Variants in STRN3 observed in about 807,000 individuals in gnomAD.
STRN3 encodes the protein striatin-3.
Under a neutral mutation model 95.6 loss-of-function variants are expected in STRN3, and 29 were observed. The ratio of observed to expected loss-of-function variants is 0.30; its 90% CI spans 0.23 to 0.41. STRN3 has a LOEUF of 0.41. STRN3 is among the 10% of genes least tolerant of loss of function. STRN3 has a pLI of 1.00. For missense variants in STRN3, 890 were observed against 972.1 expected, an observed-to-expected ratio of 0.92 and a Z score of 1.12; for synonymous variants, 331 against 357.6, an observed-to-expected ratio of 0.93 and a Z score of 0.84.
intron 7 of STRN3, among the ~76,000 whole-genome samples, chr14:30,933,821 T>C (rs1878677995): frequency 1.3e-5 from 2 of 152,230 alleles, no homozygotes; most frequent in South Asian, 4.1e-4. Flanking sequence ...TTCAAATCTT[T>C]TAAGTACTTG....
chr14:31,001,141 T>G (rs921859765), intron 1 of STRN3, among the ~76,000 whole-genome samples: 1 of 152,204 alleles, frequency 6.6e-6, no homozygotes, highest in Non-Finnish European at 1.5e-5. Context: ...GTTTGGCCAC[T>G]GCAGCCTTAA....
At chr14:30,954,934 C>T (rs1451014376) in intron 3 of STRN3, among the ~76,000 whole-genome samples, 1 of 151,520 alleles carries the variant, frequency 6.6e-6, no homozygotes, top group Admixed American at 6.6e-5. Flanking sequence ...AAAAAAAGCT[C>T]TGAATTCACC....
intron 1 of STRN3, among the ~76,000 whole-genome samples, chr14:31,003,133 G>A (rs1323965287): frequency 6.6e-6 from 1 of 151,460 alleles, no homozygotes; most frequent in Non-Finnish European, 1.5e-5. Context: ...GTGGTGGTGG[G>A]TGCCTGTAAT....
chr14:30,960,590 C>A (rs1428941096), intron 1 of STRN3, among the ~76,000 whole-genome samples: 1 of 152,096 alleles, frequency 6.6e-6, no homozygotes, highest in Admixed American at 6.5e-5. Flanking sequence ...GAAAATGAGG[C>A]TGGGCGCGGT....
chr14:30,965,440 A>G (rs1209945810), intron 1 of STRN3, among the ~76,000 whole-genome samples: 1 of 152,044 alleles, frequency 6.6e-6, no homozygotes, highest in Non-Finnish European at 1.5e-5. Context: ...TAATCCCAGC[A>G]CTTTAGGAGA....
intron 5 of STRN3, among the ~76,000 whole-genome samples, chr14:30,937,769 T>C (rs1878894361): frequency 1.3e-5 from 2 of 152,194 alleles, no homozygotes; most frequent in Non-Finnish European, 2.9e-5. Context: ...CAAATGTTTT[T>C]AAATGTCTTT....
chr14:31,022,702 AACATGACT>A (rs1883559895), intron 1 of STRN3, among the ~76,000 whole-genome samples: 1 of 151,980 alleles, frequency 6.6e-6, no homozygotes, highest in South Asian at 2.1e-4. Context: ...CAAGAGTGGT[AACATGACT>A]ACAGGCTTTG....
At chr14:30,988,498 C>A (rs1222165656) in intron 1 of STRN3, among the ~76,000 whole-genome samples, 1 of 152,042 alleles carries the variant, frequency 6.6e-6, no homozygotes, top group Non-Finnish European at 1.5e-5. Flanking sequence ...AGCCCAACTA[C>A]AACAAAATTA....
In STRN3 at chr14:30,929,954, C is replaced by CAAAAAAAAAAAAAA. The variant is rs1191963792; in HGVS notation, c.989-657_989-644dup. Among the ~76,000 whole-genome samples the CAAAAAAAAAAAAAA allele has an allele frequency of 1.2e-3, 48 of 39,990 alleles. 6 individuals are homozygous for CAAAAAAAAAAAAAA. Among genetic ancestry groups the CAAAAAAAAAAAAAA allele is most frequent in the Middle Eastern group, 0.02 (1 of 50 alleles). The allele number at this position is 39,990 out of a possible 152,430, so 26.2% of individuals were successfully genotyped here. ...TCCATTGGTCTACAACTAAGATTAGCAAAAAAAAAAAAAAAAAAAAAAAAA... is the reference window on the plus strand; with the variant it reads ...TCCATTGGTCTACAACTAAGATTAGCAAAAAAAAAAAAAAAAAAAAAAAAAAAAAAAAAAAAAAA... On this transcript the variant is annotated intron_variant, in intron 7 of 17. Coordinates refer to ENST00000357479, the MANE Select transcript of STRN3 (RefSeq NM_001083893.2).
At chr14:30,976,321 A>T (rs181422105) in intron 1 of STRN3, among the ~76,000 whole-genome samples, 1 of 152,352 alleles carries the variant, frequency 6.6e-6, no homozygotes, top group Admixed American at 6.5e-5. Flanking sequence ...CAGGATAAAG[A>T]GGGATATTAC....
chr14:30,949,976 C>G (rs558688491), intron 4 of STRN3, among the ~76,000 whole-genome samples: 1 of 152,002 alleles, frequency 6.6e-6, no homozygotes, highest in South Asian at 2.1e-4. Context: ...ACATAGTGAA[C>G]AAGGGCTAGA....
intron 1 of STRN3, among the ~76,000 whole-genome samples, chr14:31,024,220 A>T (rs917982710): frequency 5.9e-5 from 9 of 152,238 alleles, no homozygotes; most frequent in Non-Finnish European, 1.2e-4. Context: ...AAACTTGCAT[A>T]CAACAGTACA....
intron 1 of STRN3, among the ~76,000 whole-genome samples, chr14:30,968,331 G>A (rs1880640098): frequency 6.8e-6 from 1 of 147,022 alleles, no homozygotes; most frequent in South Asian, 2.2e-4. Context: ...CAGAATTTAT[G>A]TAAAAAGAAC....
chr14:30,894,837 T>A lies in STRN3; in HGVS notation c.*574A>T, dbSNP rs1266927704. ...AAAAGACTTATAAAAACTAGAATTT[T>A]ATCCAAACATTTTGTGCAACTAATG... On this transcript the variant is annotated 3_prime_UTR_variant, in exon 18 of 18. Coordinates refer to ENST00000357479, the MANE Select transcript of STRN3 (RefSeq NM_001083893.2). The A allele has an allele frequency of 2.4e-5, 12 of 491,964 alleles. No homozygotes were observed. Among genetic ancestry groups the A allele is most frequent in the Non-Finnish European group, 3.3e-5 (11 of 329,244 alleles). The allele number at this position is 491,964 out of a possible 1,614,324, so 30.5% of individuals were successfully genotyped here.
At chr14:30,921,071 T>TACACAC (rs921860938) in intron 8 of STRN3, among the ~76,000 whole-genome samples, 8 of 116,574 alleles carry the variant, frequency 6.9e-5, no homozygotes, top group Admixed American at 4.8e-4. Flanking sequence ...CACATACATA[T>TACACAC]ACACACACAC....
intron 1 of STRN3, among the ~76,000 whole-genome samples, chr14:30,984,059 T>G (rs925468792): frequency 1.3e-5 from 2 of 151,264 alleles, no homozygotes; most frequent in Non-Finnish European, 2.9e-5. Flanking sequence ...GATGTCTGAT[T>G]TGGCCCACAG....
intron 8 of STRN3, among the ~76,000 whole-genome samples, chr14:30,922,891 T>C (rs559194834): frequency 5.9e-5 from 9 of 152,246 alleles, no homozygotes; most frequent in African/African-American, 2.2e-4. Context: ...ATTCTGATCC[T>C]AGGCAAAATA....
rs1191963792 is a variant in STRN3, at chr14:30,929,954, C to CAAAAAAA, written c.989-650_989-644dup. On this transcript the variant is annotated intron_variant, in intron 7 of 17. Coordinates refer to ENST00000357479, the MANE Select transcript of STRN3 (RefSeq NM_001083893.2). ...TCCATTGGTCTACAACTAAGATTAG[C>CAAAAAAA]AAAAAAAAAAAAAAAAAAAAAAAAA... Among the ~76,000 whole-genome samples, 373 of 39,970 alleles carry CAAAAAAA rather than the reference C, an allele frequency of 9.3e-3. 32 individuals carry two copies. The highest frequency in any genetic ancestry group is 0.013 in the Non-Finnish European group (292 of 22,436). 26.2% of individuals were successfully genotyped at this position (39,970 alleles called of 152,430 possible). A position where few individuals can be genotyped will look rare whatever the true frequency, so the allele number is the denominator to read the frequency against.
chr14:30,900,429 CG>C (rs1417600066), intron 16 of STRN3, among the ~76,000 whole-genome samples: 1 of 19,204 alleles, frequency 5.2e-5, no homozygotes, highest in Non-Finnish European at 1.1e-4. Context: ...TGTAACTCAA[CG>C]GGGGGTGTGG....
Sources: allele counts gnomAD v4.1 joint callset (sites outside exome capture counted in the v4.1 genomes callset), GRCh38; gene constraint gnomAD v4.1.1; transcripts MANE v1.5; gene names NCBI Gene and HGNC (gene_info 2026-07-23, HGNC 2026-07-21).